The following GALNT13 variants were observed in gnomAD, a reference collection of about 807,000 sequenced individuals.
GALNT13 encodes the protein polypeptide N-acetylgalactosaminyltransferase 13.
GALNT13 carries 28 observed loss-of-function variants against 64.2 expected under a neutral mutation model. That is an observed-to-expected ratio of 0.44 (90% CI 0.32 to 0.60). The LOEUF is 0.60. GALNT13 is among the 20% of genes least tolerant of loss of function. The probability of loss-of-function intolerance (pLI) is 0.05; values close to 1 mark genes in which losing one functional copy is unlikely to be tolerated. For missense variants in GALNT13, 577 were observed against 669.8 expected, an observed-to-expected ratio of 0.86 and a Z score of 1.53; for synonymous variants, 214 against 224.6, an observed-to-expected ratio of 0.95 and a Z score of 0.42.
the GALNT13 span, among the ~76,000 whole-genome samples, chr2:153,511,545 AGGAAAAAG>A: frequency 6.6e-6 from 1 of 152,146 alleles, no homozygotes; most frequent in Admixed American, 6.5e-5. Flanking sequence ...TAACCACTCT[AGGAAAAAG>A]GGAAAGTTAT....
the GALNT13 span, among the ~76,000 whole-genome samples, chr2:153,103,012 C>T: frequency 1.3e-5 from 2 of 152,152 alleles, no homozygotes; most frequent in Admixed American, 6.6e-5. Flanking sequence ...AATGCTGAAA[C>T]GACCTCCCAA....
the GALNT13 span, among the ~76,000 whole-genome samples, chr2:153,301,314 A>AAAAAAAAAAAAAAG: frequency 2.1e-5 from 3 of 141,704 alleles, no homozygotes; most frequent in African/African-American, 7.8e-5. Context: ...CTTCTCAAAA[A>AAAAAAAAAAAAAAG]AAAAGAAAAA....
chr2:154,438,568 T>A (rs1426321460), intron 11 of GALNT13, 24 bp from the exon 12 acceptor site: 1 of 1,568,208 alleles, frequency 6.4e-7, no homozygotes, highest in Non-Finnish European at 8.8e-7. Flanking sequence ...ACATTTTTTT[T>A]ATTAGCTGAA....
chr2:153,444,382 T>A, the GALNT13 span, among the ~76,000 whole-genome samples: 1 of 152,230 alleles, frequency 6.6e-6, no homozygotes, highest in Non-Finnish European at 1.5e-5. Context: ...TAAATGAATA[T>A]AATCTGATAA....
chr2:153,078,708 G>C, the GALNT13 span, among the ~76,000 whole-genome samples: 1 of 151,978 alleles, frequency 6.6e-6, no homozygotes, highest in Admixed American at 6.6e-5. Context: ...ACTTGTTTCT[G>C]ATTTCATTAG....
the GALNT13 span, among the ~76,000 whole-genome samples, chr2:153,182,886 A>T: frequency 3.3e-3 from 510 of 152,284 alleles, 2 homozygotes; most frequent in African/African-American, 0.012. Flanking sequence ...CATTGATTCC[A>T]TGTCTTTGCT....
chr2:154,397,014 C>CAT (rs1699086754), intron 10 of GALNT13, among the ~76,000 whole-genome samples: 1 of 150,746 alleles, frequency 6.6e-6, no homozygotes, highest in Admixed American at 6.6e-5. Context: ...TCCTATATAG[C>CAT]ATATATATCT....
chr2:153,544,540 G>A, the GALNT13 span, among the ~76,000 whole-genome samples: 3 of 152,182 alleles, frequency 2.0e-5, no homozygotes, highest in African/African-American at 7.2e-5. Context: ...CCACAAAGTG[G>A]AGAATCAATT....
the GALNT13 span, among the ~76,000 whole-genome samples, chr2:153,156,493 G>A: frequency 6.6e-6 from 1 of 152,178 alleles, no homozygotes; most frequent in South Asian, 2.1e-4. Context: ...TTAGGAGAAA[G>A]AGAAACTGGT....
chr2:153,188,912 A>G, the GALNT13 span, among the ~76,000 whole-genome samples: 8 of 152,152 alleles, frequency 5.3e-5, no homozygotes, highest in Non-Finnish European at 2.9e-5. Context: ...TTAATGATCA[A>G]GTCAGGGTAT....
chr2:153,483,467 A>C, the GALNT13 span, among the ~76,000 whole-genome samples: 4 of 120,426 alleles, frequency 3.3e-5, no homozygotes, highest in Admixed American at 3.5e-4. Flanking sequence ...CCCAGGCTGG[A>C]GTGCAATGGC....
the GALNT13 span, among the ~76,000 whole-genome samples, chr2:153,705,579 A>G: frequency 1.1e-4 from 16 of 152,194 alleles, no homozygotes; most frequent in Non-Finnish European, 2.1e-4. Context: ...TTGGTTTCAC[A>G]TGTCTCTCAT....
chr2:153,367,609 C>G, the GALNT13 span, among the ~76,000 whole-genome samples: 1 of 152,116 alleles, frequency 6.6e-6, no homozygotes. Flanking sequence ...ATTTTCTCCT[C>G]AGAGCCTCCA....
chr2:154,154,054 G>T (rs1220196915), intron 4 of GALNT13, among the ~76,000 whole-genome samples: 2 of 152,148 alleles, frequency 1.3e-5, no homozygotes, highest in African/African-American at 2.4e-5. Flanking sequence ...GACCAGAGCT[G>T]TTCCTATTCG....
intron 11 of GALNT13, among the ~76,000 whole-genome samples, chr2:154,416,181 G>T (rs1041263036): frequency 6.6e-6 from 1 of 152,046 alleles, no homozygotes; most frequent in Non-Finnish European, 1.5e-5. Flanking sequence ...GTCTATCTGG[G>T]TTGCTATAAT....
At chr2:153,437,936 A>G in the GALNT13 span, among the ~76,000 whole-genome samples, 13 of 152,108 alleles carry the variant, frequency 8.5e-5, no homozygotes, top group African/African-American at 3.1e-4. Flanking sequence ...GGTCTTTACA[A>G]TTGGCATGTT....
chr2:154,245,651 A>G (rs982200574), intron 6 of GALNT13, among the ~76,000 whole-genome samples, 161 bp from the exon 7 acceptor site: 1 of 152,222 alleles, frequency 6.6e-6, no homozygotes, highest in African/African-American at 2.4e-5. Flanking sequence ...TATGTAGTCA[A>G]AGGAAATAAT....
the GALNT13 span, among the ~76,000 whole-genome samples, chr2:153,715,710 T>C: frequency 0.011 from 1,625 of 152,324 alleles, 58 homozygotes; most frequent in East Asian, 0.13. Flanking sequence ...ATTTAGGCTC[T>C]AGCCCTTCCA....
At chr2:154,186,314 T>C (rs1686248489) in intron 4 of GALNT13, among the ~76,000 whole-genome samples, 1 of 152,108 alleles carries the variant, frequency 6.6e-6, no homozygotes, top group Non-Finnish European at 1.5e-5. Flanking sequence ...AAAACAGATA[T>C]GTTAGTTTGC....
Sources: allele counts gnomAD v4.1 joint callset (sites outside exome capture counted in the v4.1 genomes callset), GRCh38; gene constraint gnomAD v4.1.1; transcripts MANE v1.5; gene names NCBI Gene and HGNC (gene_info 2026-07-23, HGNC 2026-07-21).